Variants in KCNH8 observed in about 807,000 individuals in gnomAD.
KCNH8 encodes potassium voltage-gated channel subfamily H member 8.
Under a neutral mutation model 103.6 loss-of-function variants are expected in KCNH8, and 70 were observed. That is an observed-to-expected ratio of 0.68 (90% CI 0.56 to 0.82). The LOEUF is 0.82. Ranked by LOEUF, KCNH8 falls within the 40% of genes least tolerant of loss-of-function variation. The probability of loss-of-function intolerance (pLI) is 0.00; values close to 1 mark genes in which losing one functional copy is unlikely to be tolerated. For synonymous variants in KCNH8, 498 were observed against 489.4 expected (o/e 1.02, Z -0.23); for missense variants, 1,217 against 1,329.9 (o/e 0.92, Z 1.32).
At chr3:19,512,589 A>G (rs899984576) in intron 12 of KCNH8, among the ~76,000 whole-genome samples, 3 of 152,188 alleles carry the variant, frequency 2.0e-5, no homozygotes, top group African/African-American at 7.2e-5. Context: ...ACCCTCCATT[A>G]AAATGGAAAA....
chr3:19,286,611 G>C (rs1454518327), intron 3 of KCNH8, among the ~76,000 whole-genome samples: 1 of 152,150 alleles, frequency 6.6e-6, no homozygotes, highest in Non-Finnish European at 1.5e-5. Context: ...ATAATCCACT[G>C]ATGTTTAAAT....
chr3:19,301,963 T>G (rs1204273221), intron 3 of KCNH8, among the ~76,000 whole-genome samples: 1 of 152,220 alleles, frequency 6.6e-6, no homozygotes, highest in East Asian at 1.9e-4. Flanking sequence ...CAGGAGCTTC[T>G]GTTACTGTGA....
At chr3:19,506,210 T>G (rs893922362) in intron 11 of KCNH8, among the ~76,000 whole-genome samples, 1 of 152,166 alleles carries the variant, frequency 6.6e-6, no homozygotes. Flanking sequence ...AGTGTGGTTG[T>G]TTGGAGGAAA....
At chr3:19,288,988 G>A (rs958983409) in intron 3 of KCNH8, among the ~76,000 whole-genome samples, 1 of 152,164 alleles carries the variant, frequency 6.6e-6, no homozygotes, top group Non-Finnish European at 1.5e-5. Flanking sequence ...CAGTGATGAT[G>A]AGCATTTTTT....
intron 1 of KCNH8, among the ~76,000 whole-genome samples, chr3:19,177,415 G>A (rs2063411065): frequency 6.6e-6 from 1 of 152,014 alleles, no homozygotes; most frequent in Admixed American, 6.6e-5. Flanking sequence ...TCTATGACAT[G>A]TTTTGGTTAA....
intron 1 of KCNH8, among the ~76,000 whole-genome samples, chr3:19,210,655 GTTA>G (rs757922452): frequency 2.6e-5 from 4 of 151,806 alleles, no homozygotes; most frequent in Non-Finnish European, 1.5e-5. Flanking sequence ...CTGCTTTAGT[GTTA>G]CAGAAGGTTA....
rs540376721 is a variant in KCNH8 at position 19,502,196 on chromosome 3, C to T, written c.2041-8167C>T. On this transcript the variant is annotated intron_variant, in intron 11 of 15. Coordinates refer to ENST00000328405, the MANE Select transcript of KCNH8 (RefSeq NM_144633.3). ...AATTGCTTCAAAGAGAATAAAATAC[C>T]TAGGAATCCAACTTACAAGGGATGT... Among the ~76,000 whole-genome samples, 5 of 150,584 alleles carry T rather than the reference C, an allele frequency of 3.3e-5. No individual in the cohort carries two copies. The South Asian group carries it at 1.1e-3, about 32-fold the overall frequency.
At chr3:19,266,321 T>C (rs2125262717) in intron 2 of KCNH8, among the ~76,000 whole-genome samples, 1 of 152,242 alleles carries the variant, frequency 6.6e-6, no homozygotes, top group East Asian at 1.9e-4. Context: ...ATAGTTTTGT[T>C]TTTTAAAAAA....
intron 7 of KCNH8, among the ~76,000 whole-genome samples, chr3:19,410,126 A>G (rs2066754644): frequency 6.6e-6 from 1 of 152,144 alleles, no homozygotes; most frequent in African/African-American, 2.4e-5. Flanking sequence ...CATGTGCTCA[A>G]TAAATTAAAA....
In KCNH8 at chr3:19,533,973, A is replaced by G; in HGVS notation, c.3198A>G (p.Glu1066=). ...SQGTVSSFSL[E]NLPGSWNQEG... is the part of the protein sequence containing the mutation. Reference sequence around the variant, plus strand: ...GAACTGTGAGTTCCTTCAGTCTGGAAAACTTACCAGGATCTTGGAACCAGG... The same window carrying G: ...GAACTGTGAGTTCCTTCAGTCTGGAGAACTTACCAGGATCTTGGAACCAGG... The change falls in exon 16 of 16, where the codon GAA becomes GAG. Residue 1066 remains glutamate, a synonymous_variant. Transcript: ENST00000328405. 1.9e-6 allele frequency: 3 copies of G among 1,614,158 alleles called. No homozygotes were observed. The highest frequency in any genetic ancestry group is 1.1e-5 in the South Asian group (1 of 91,082).
At chr3:19,300,395 C>G (rs184985107) in intron 3 of KCNH8, among the ~76,000 whole-genome samples, 3 of 152,002 alleles carry the variant, frequency 2.0e-5, no homozygotes, top group Admixed American at 6.6e-5. Flanking sequence ...TGATAAATAC[C>G]GAAACAAGAC....
chr3:19,359,443 T>A (rs765501716), intron 5 of KCNH8, among the ~76,000 whole-genome samples: 3 of 152,004 alleles, frequency 2.0e-5, no homozygotes, highest in Admixed American at 6.6e-5. Context: ...TATCAGAAAC[T>A]GATAAACTAG....
Position 19,337,516 on chromosome 3 carries a change from T to C in KCNH8, c.443-5071T>C, listed in dbSNP as rs562567316. On this transcript the variant is annotated intron_variant, in intron 3 of 15. Transcript: ENST00000328405. ...CTTGTATTTTACTCATTTACCTTCA[T>C]TGACCTGATGGCAATTGAAATCTTC... Among the ~76,000 whole-genome samples, 30 of 152,158 alleles carry C rather than the reference T, an allele frequency of 2.0e-4. No individual in the cohort carries two copies. The East Asian group carries it at 5.4e-3, about 28-fold the overall frequency.
chr3:19,466,287 G>A (rs1381787314), intron 11 of KCNH8, among the ~76,000 whole-genome samples: 2 of 152,158 alleles, frequency 1.3e-5, no homozygotes, highest in African/African-American at 2.4e-5. Context: ...TCATGGTGAA[G>A]ATGTTGTGAA....
rs373832681 is a variant in KCNH8 at position 19,533,491 on chromosome 3, C to T, written c.2716C>T (p.Arg906Trp). The T allele has an allele frequency of 5.6e-6, 9 of 1,614,062 alleles. No homozygotes were observed. The highest frequency in any genetic ancestry group is 2.7e-5 in the African/African-American group (2 of 74,936). The stretch of plus-strand genomic sequence containing the variant: ...CGTTCTGTCACCTCAGCAGCCATCA[C>T]GGTTTTGCTCTTTGCACAGCACCTC... ...ENVLSPQQPSRFCSLHSTSVC... is the reference protein window; with the variant it reads ...ENVLSPQQPSWFCSLHSTSVC... The change falls in exon 16 of 16, where the codon CGG becomes TGG. Residue 906 changes from arginine (R) to tryptophan (W), a missense_variant. Coordinates refer to ENST00000328405, the MANE Select transcript of KCNH8 (RefSeq NM_144633.3).
At chr3:19,491,373 T>TTA (rs2068317539) in intron 11 of KCNH8, among the ~76,000 whole-genome samples, 1 of 152,186 alleles carries the variant, frequency 6.6e-6, no homozygotes, top group South Asian at 2.1e-4. Context: ...ATTCCTATGT[T>TTA]TATGTACATG....
intron 3 of KCNH8, among the ~76,000 whole-genome samples, chr3:19,296,051 C>T (rs2064993300): frequency 6.6e-6 from 1 of 152,112 alleles, no homozygotes; most frequent in African/African-American, 2.4e-5. Context: ...CAGTGAGCCT[C>T]CCCAAAATTC....
At chr3:19,339,897 C>T (rs17005833) in intron 3 of KCNH8, among the ~76,000 whole-genome samples, 43,487 of 151,614 alleles carry the variant, frequency 0.29, 6,756 homozygotes, top group African/African-American at 0.4. Flanking sequence ...ATGTGAAAGT[C>T]GATAAAAAGC....
At chr3:19,387,681 A>G (rs918372596) in intron 5 of KCNH8, among the ~76,000 whole-genome samples, 1 of 152,116 alleles carries the variant, frequency 6.6e-6, no homozygotes, top group African/African-American at 2.4e-5. Context: ...AAAATAATAT[A>G]TATCTAGGTT....
Sources: gnomAD v4.1 joint callset for allele counts (sites outside exome capture counted in the v4.1 genomes callset) on GRCh38, gnomAD v4.1.1 for gene constraint, MANE v1.5 for transcripts, NCBI Gene and HGNC (gene_info 2026-07-23, HGNC 2026-07-21) for gene names.